The following SV2C variants were observed in gnomAD, a reference collection of about 807,000 sequenced individuals.
SV2C encodes the protein synaptic vesicle glycoprotein 2C.
In SV2C, 49 loss-of-function variants were observed where a neutral mutation model predicts 79.7. The observed-to-expected ratio is 0.61, with a 90% CI of 0.49 to 0.78. The LOEUF (loss-of-function observed/expected upper bound fraction) is 0.78, where lower values mean the gene tolerates loss of function less well. Ranked by LOEUF, SV2C falls within the 30% of genes least tolerant of loss-of-function variation. The pLI is 0.00. For synonymous variants in SV2C, 334 were observed against 333.2 expected (o/e 1.00, Z -0.03); for missense variants, 833 against 912.9 (o/e 0.91, Z 1.13).
chr5:76,108,044 A>C (rs780501708), intron 1 of SV2C, among the ~76,000 whole-genome samples: 1 of 152,172 alleles, frequency 6.6e-6, no homozygotes, highest in African/African-American at 2.4e-5. Context: ...TCCATACAGC[A>C]CAGTAGGCAA....
At chr5:75,971,708 C>T in the SV2C span, among the ~76,000 whole-genome samples, 1 of 152,134 alleles carries the variant, frequency 6.6e-6, no homozygotes, top group Non-Finnish European at 1.5e-5. Context: ...ATTCCAAGCT[C>T]ATGGGTAGGA....
At chr5:76,057,720 T>C in the SV2C span, among the ~76,000 whole-genome samples, 1 of 152,148 alleles carries the variant, frequency 6.6e-6, no homozygotes, top group Admixed American at 6.6e-5. Flanking sequence ...TATTATAGAT[T>C]ACATAGTATG....
At chr5:76,126,888 T>C (rs1748722160) in intron 1 of SV2C, among the ~76,000 whole-genome samples, 1 of 152,206 alleles carries the variant, frequency 6.6e-6, no homozygotes, top group African/African-American at 2.4e-5. Context: ...GTTTCAGTTT[T>C]CTTATCTGTG....
chr5:75,943,540 C>T, the SV2C span, among the ~76,000 whole-genome samples: 24,971 of 152,086 alleles, frequency 0.16, 4,999 homozygotes, highest in African/African-American at 0.48. Context: ...CTCAACAAGA[C>T]TTTTAATCTA....
At chr5:75,854,022 T>C in the SV2C span, among the ~76,000 whole-genome samples, 1 of 151,808 alleles carries the variant, frequency 6.6e-6, no homozygotes, top group African/African-American at 2.4e-5. Flanking sequence ...CCTCCTCTTG[T>C]TCCTTTGGAG....
the SV2C span, among the ~76,000 whole-genome samples, chr5:76,064,208 G>A: frequency 6.6e-6 from 1 of 152,120 alleles, no homozygotes; most frequent in East Asian, 1.9e-4. Context: ...AGGAGAGTGT[G>A]GAACAGAAAT....
chr5:76,047,878 G>C, the SV2C span, among the ~76,000 whole-genome samples: 1 of 148,404 alleles, frequency 6.7e-6, no homozygotes. Flanking sequence ...CCATTCTCCT[G>C]CCTCAGCCTA....
chr5:75,906,430 C>G, the SV2C span, among the ~76,000 whole-genome samples: 3 of 147,538 alleles, frequency 2.0e-5, no homozygotes, highest in Non-Finnish European at 3.0e-5. Context: ...GTTTTCATGT[C>G]TGCTTTTTTT....
chr5:76,124,085 C>G (rs903876675), intron 1 of SV2C, among the ~76,000 whole-genome samples: 7 of 151,998 alleles, frequency 4.6e-5, no homozygotes, highest in African/African-American at 1.7e-4. Context: ...TATTACTTTC[C>G]CCCAATTTTA....
intron 4 of SV2C, among the ~76,000 whole-genome samples, chr5:76,268,314 A>C (rs941133886): frequency 2.6e-5 from 4 of 152,134 alleles, no homozygotes; most frequent in Admixed American, 1.3e-4. Context: ...GCTGAGAGAC[A>C]ATGAATACTG....
the SV2C span, among the ~76,000 whole-genome samples, chr5:76,066,202 T>C: frequency 6.6e-6 from 1 of 151,912 alleles, no homozygotes; most frequent in Non-Finnish European, 1.5e-5. Flanking sequence ...CCAACCCAAA[T>C]GTCCAAAAAT....
intron 1 of SV2C, among the ~76,000 whole-genome samples, chr5:76,122,466 C>T (rs1413072096): frequency 6.6e-6 from 1 of 152,142 alleles, no homozygotes; most frequent in Non-Finnish European, 1.5e-5. Flanking sequence ...AAAGGGAATG[C>T]TTCCAGGTTT....
chr5:76,291,416 A>G (rs978193548), intron 7 of SV2C, 85 bp downstream of exon 7: 8 of 1,102,602 alleles, frequency 7.3e-6, no homozygotes, highest in African/African-American at 6.4e-5. Flanking sequence ...GGCCTGCCCT[A>G]TGAGCGAGGT....
the SV2C span, among the ~76,000 whole-genome samples, chr5:76,062,387 T>C: frequency 7.2e-4 from 110 of 152,116 alleles, no homozygotes; most frequent in African/African-American, 2.6e-3. Flanking sequence ...CAGACAATGT[T>C]CCTCCCTCCA....
At chr5:75,869,438 A>C in the SV2C span, among the ~76,000 whole-genome samples, 6 of 152,204 alleles carry the variant, frequency 3.9e-5, no homozygotes, top group East Asian at 9.7e-4. Context: ...AAGGGGAGAG[A>C]AGAGTGGGAA....
At chr5:75,888,344 ATTT>A in the SV2C span, among the ~76,000 whole-genome samples, 4,231 of 150,244 alleles carry the variant, frequency 0.028, 200 homozygotes, top group African/African-American at 0.096. Flanking sequence ...AAAAAAAAAA[ATTT>A]TTTTTTTGAA....
chr5:76,095,371 G>T (rs970931030), intron 1 of SV2C, among the ~76,000 whole-genome samples: 6 of 151,986 alleles, frequency 3.9e-5, no homozygotes, highest in Non-Finnish European at 8.8e-5. Context: ...TTCAATAAAG[G>T]CTATCCAGAG....
the SV2C span, among the ~76,000 whole-genome samples, chr5:75,982,252 AT>A: frequency 6.6e-6 from 1 of 151,866 alleles, no homozygotes; most frequent in Non-Finnish European, 1.5e-5. Flanking sequence ...AAAAAAAAGA[AT>A]TTAACAGTTT....
the SV2C span, among the ~76,000 whole-genome samples, chr5:76,008,480 A>T: frequency 6.6e-6 from 1 of 152,062 alleles, no homozygotes; most frequent in Non-Finnish European, 1.5e-5. Context: ...AGTCCAGATG[A>T]TTCAAAACTC....
Sources: allele counts gnomAD v4.1 joint callset (sites outside exome capture counted in the v4.1 genomes callset), GRCh38; gene constraint gnomAD v4.1.1; transcripts MANE v1.5; gene names NCBI Gene and HGNC (gene_info 2026-07-23, HGNC 2026-07-21).